Variants in TINF2 observed in about 807,000 individuals in gnomAD.
TINF2 encodes TERF1-interacting nuclear factor 2.
Under a neutral mutation model 50.4 loss-of-function variants are expected in TINF2, and 27 were observed. The ratio of observed to expected loss-of-function variants is 0.54; its 90% confidence interval spans 0.40 to 0.74. TINF2 has a LOEUF of 0.74. Among genes scored for constraint, TINF2 ranks in the 30% least tolerant of loss-of-function variants. The pLI is 0.00. For synonymous variants in TINF2, 223 were observed against 214.6 expected (o/e 1.04, Z -0.34); for missense variants, 496 against 551.5 (o/e 0.90, Z 1.01).
chr14:24,241,532 G>A (rs566687570), intron 3 of TINF2, 143 bp downstream of exon 3: 12 of 822,700 alleles, frequency 1.5e-5, no homozygotes, highest in African/African-American at 6.9e-5. Flanking sequence ...CAGGAGAATC[G>A]CTTGAACCCG....
rs1167492530 is a variant in TINF2, at chr14:24,240,518, C to G, written c.962G>C (p.Arg321Thr). ...IYTADLAMGT[R>T]AASTGKSKSP... ...CTTAGACTTCCCAGTGGAGGCTGCTCTTGTGCCCATGGCTAGGTCTGCTGT... is the reference window on the plus strand; with the variant it reads ...CTTAGACTTCCCAGTGGAGGCTGCTGTTGTGCCCATGGCTAGGTCTGCTGT... Residue 321 changes from arginine to threonine, a missense_variant, in exon 6 of 9, where the codon AGA becomes ACA. Transcript: ENST00000267415. 14 of 1,614,076 alleles carry G rather than the reference C, an allele frequency of 8.7e-6. No individual in the cohort carries two copies. Among genetic ancestry groups the G allele is most frequent in the Non-Finnish European group, 1.2e-5 (14 of 1,180,036 alleles).
Position 24,242,178 on chromosome 14 carries a change from C to T in TINF2, c.155G>A (p.Arg52Gln), listed in dbSNP as rs745540989. 2.5e-6 allele frequency: 4 copies of T among 1,614,262 alleles called. No homozygotes were observed. Among genetic ancestry groups the T allele is most frequent in the Non-Finnish European group, 3.4e-6 (4 of 1,180,040 alleles). ...RAVAPGLVRY[R>Q]HHERLCMGLK... ...GCCCATACAAAGGCGTTCGTGGTGC[C>T]GGTAGCGAACCAAGCCAGGGGCAAC... The change falls in exon 1 of 9, where the codon CGG becomes CAG. Residue 52 changes from arginine (R) to glutamine (Q), a missense_variant. By Grantham distance (43) the Arg-to-Gln change is conservative. Transcript: ENST00000267415.
In TINF2 at chr14:24,242,420, C is replaced by T. The variant is rs1325327438; in HGVS notation, c.-88G>A. Reference sequence around the variant, plus strand: ...CCGATCACTCCTAGGGGCGGGGCTTCTGGCAACTCCCTGTCGCTCCGGTCT... The same window carrying T: ...CCGATCACTCCTAGGGGCGGGGCTTTTGGCAACTCCCTGTCGCTCCGGTCT... On this transcript the variant is annotated 5_prime_UTR_variant, in exon 1 of 9. Transcript: ENST00000267415. The T allele has an allele frequency of 8.1e-6, 12 of 1,490,682 alleles. No individual in the cohort carries two copies. The highest frequency in any genetic ancestry group is 8.9e-6 in the Non-Finnish European group (10 of 1,127,170). 92.3% of individuals were successfully genotyped at this position (1,490,682 alleles called of 1,614,324 possible).
chr14:24,240,387 C>G, intron 6 of TINF2, 32 bp downstream of exon 6: 1 of 1,614,130 alleles, frequency 6.2e-7, no homozygotes, highest in African/African-American at 1.3e-5. Context: ...AAAGAATGTG[C>G]TCCTAGTAAG....
At position 24,240,287 on chromosome 14, in the gene TINF2, A is replaced by G; in HGVS notation, c.1105T>C (p.Leu369=). Reference sequence around the variant, plus strand: ...CCTGGCTTCCTGGCCCTAGGAGGTAATAATGATAGTCTCAGGGGGTCCATG... The same window carrying G: ...CCTGGCTTCCTGGCCCTAGGAGGTAGTAATGATAGTCTCAGGGGGTCCATG... ...CYMDPLRLSL[L]PPRARKPVCP... Residue 369 remains leucine, a synonymous_variant, in exon 7 of 9, where the codon TTA becomes CTA. Coordinates refer to ENST00000267415, the MANE Select transcript of TINF2 (RefSeq NM_001099274.3). 1.2e-6 allele frequency: 2 copies of G among 1,614,002 alleles called. No individual in the cohort carries two copies. Among genetic ancestry groups the G allele is most frequent in the Non-Finnish European group, 1.7e-6 (2 of 1,179,974 alleles).
rs775852920 is a variant in TINF2, at chr14:24,240,148, A to AG, written c.1136dup (p.Pro380SerfsTer18). 6.2e-7 allele frequency: 1 copy of AG among 1,614,090 alleles called. No homozygotes were observed. Among genetic ancestry groups the AG allele is most frequent in the Non-Finnish European group, 8.5e-7 (1 of 1,180,018 alleles). ...TAATGACGGAGCTGCACAGAGACGG[A>AG]GGACACACTGTAGGAGGGAAACCAG... On this transcript the variant is annotated frameshift_variant, in exon 8 of 9. Coordinates refer to ENST00000267415, the MANE Select transcript of TINF2 (RefSeq NM_001099274.3). LOFTEE classifies it high-confidence loss of function.
Position 24,239,822 on chromosome 14 carries a change from C to A in TINF2, c.1331G>T (p.Cys444Phe). ...TCACAAAGGTCTAGAACTGTCTCTA[C>A]AGTCACAGGAAGAAACAGGTATGGC... ...HGAIPVSSCD[C>F]RDSSRPL Residue 444 changes from cysteine (C) to phenylalanine (F), a missense_variant, in exon 9 of 9, where the codon TGT becomes TTT. Around this residue, in one of 3 missense-constraint regions of TINF2, gnomAD observed 179 missense variants for 188.3 expected, o/e 0.95. Coordinates refer to ENST00000267415, the MANE Select transcript of TINF2 (RefSeq NM_001099274.3). 1 of 1,614,174 alleles carries A rather than the reference C, an allele frequency of 6.2e-7. No homozygotes were observed. Among genetic ancestry groups the A allele is most frequent in the Non-Finnish European group, 8.5e-7 (1 of 1,180,028 alleles).
At position 24,240,248 on chromosome 14, in the gene TINF2, A is replaced by T. The variant is rs200599508; in HGVS notation, c.1129+15T>A. Reference sequence around the variant, plus strand: ...AGAGGAGGCTGTTGATCCAATCCTGACTCAGACTACCTACCTGGCTTCCTG... The same window carrying T: ...AGAGGAGGCTGTTGATCCAATCCTGTCTCAGACTACCTACCTGGCTTCCTG... On this transcript the variant is annotated intron_variant, in intron 7 of 8. Coordinates refer to ENST00000267415, the MANE Select transcript of TINF2 (RefSeq NM_001099274.3). 546 of 1,613,980 alleles carry T rather than the reference A, an allele frequency of 3.4e-4. 1 individual carries two copies. In the African/African-American group the frequency reaches 6.2e-3, roughly 18 times the overall value.
In TINF2 at chr14:24,240,809, C is replaced by G; in HGVS notation, c.671G>C (p.Arg224Thr). Reference protein sequence around the residue: ...PMEQNPPQQQRLALHNPLPKA... With the variant: ...PMEQNPPQQQTLALHNPLPKA... ...TGGCAGGGGATTGTGGAGTGCTAGT[C>G]TTTGTTGCTGAGGAGGATTCTGTTC... The change falls in exon 6 of 9, where the codon AGA (arginine) becomes ACA (threonine). Residue 224 changes from arginine to threonine, a missense_variant. Transcript: ENST00000267415. The G allele has an allele frequency of 6.2e-7, 1 of 1,613,970 alleles. No homozygotes were observed. Among genetic ancestry groups the G allele is most frequent in the Non-Finnish European group, 8.5e-7 (1 of 1,180,012 alleles).
In TINF2 at chr14:24,240,289, A is replaced by G; in HGVS notation, c.1103T>C (p.Leu368Ser). 3.1e-6 allele frequency: 5 copies of G among 1,613,998 alleles called. No individual in the cohort carries two copies. Among genetic ancestry groups the G allele is most frequent in the Non-Finnish European group, 4.2e-6 (5 of 1,179,984 alleles). The change falls in exon 7 of 9, where the codon TTA becomes TCA. Residue 368 changes from leucine (L) to serine (S), a missense_variant. Transcript: ENST00000267415. ...TGGCTTCCTGGCCCTAGGAGGTAAT[A>G]ATGATAGTCTCAGGGGGTCCATGTA... ...DCYMDPLRLS[L>S]LPPRARKPVC... is the part of the protein sequence containing the mutation.
chr14:24,242,255 G>C lies in TINF2; in HGVS notation c.78C>G (p.Arg26=). The C allele has an allele frequency of 4.3e-6, 7 of 1,614,190 alleles. No individual in the cohort carries two copies. Among genetic ancestry groups the C allele is most frequent in the Non-Finnish European group, 5.9e-6 (7 of 1,180,028 alleles). The stretch of plus-strand genomic sequence containing the variant: ...GTACTCGCGGAAAATGTTCCACGCA[G>C]CGTCCGCGCACAACCTGCCAGCTAG... The part of the protein sequence containing the change: ...AAASWQVVRG[R]CVEHFPRVLE... Residue 26 remains arginine, a synonymous_variant, in exon 1 of 9, where the codon CGC becomes CGG. Transcript: ENST00000267415.
At position 24,240,145 on chromosome 14, in the gene TINF2, C is replaced by T. The variant is rs10141326; in HGVS notation, c.1140G>A (p.Pro380=). The T allele has an allele frequency of 0.011, 18,046 of 1,613,890 alleles. 1,643 individuals are homozygous for T. The African/African-American group carries it at 0.2, about 18-fold the overall frequency. Reference sequence around the variant, plus strand: ...TGGTAATGACGGAGCTGCACAGAGACGGAGGACACACTGTAGGAGGGAAAC... The same window carrying T: ...TGGTAATGACGGAGCTGCACAGAGATGGAGGACACACTGTAGGAGGGAAAC... ...PPRARKPVCP[P]SLCSSVITIG... The change falls in exon 8 of 9, where the codon CCG becomes CCA. Residue 380 remains proline (P), a synonymous_variant. Coordinates refer to ENST00000267415, the MANE Select transcript of TINF2 (RefSeq NM_001099274.3).
At chr14:24,239,973 T>C in intron 8 of TINF2, 42 bp from the exon 9 acceptor site, 1 of 1,614,198 alleles carries the variant, frequency 6.2e-7, no homozygotes, top group Non-Finnish European at 8.5e-7. Flanking sequence ...TCCGAAACCA[T>C]TCCCTGAACC....
chr14:24,240,435 C>T lies in TINF2; in HGVS notation c.1045G>A (p.Ala349Thr). ...TCCACTCACTCCTTTTGCTCTGTGG[C>T]AGGCAAGTCAACTGGGTTCTCCTTC... is the stretch of plus-strand genomic sequence containing the variant. ...ALKENPVDLPATEQKENCLDC... is the reference protein window; with the variant it reads ...ALKENPVDLPTTEQKENCLDC... Residue 349 changes from alanine to threonine, a missense_variant, in exon 6 of 9, where the codon GCC becomes ACC. By Grantham distance (58) the Ala-to-Thr change is moderately conservative. This residue lies in a region of TINF2 where 179 missense variants were observed against 188.3 expected (regional missense o/e 0.95). Transcript: ENST00000267415. The T allele has an allele frequency of 6.2e-7, 1 of 1,614,198 alleles. No homozygotes were observed. The highest frequency in any genetic ancestry group is 8.5e-7 in the Non-Finnish European group (1 of 1,180,042).
At chr14:24,242,647 C>A, upstream of TINF2, 1 of 1,202,612 alleles carries the variant, frequency 8.3e-7, no homozygotes, top group Admixed American at 4.3e-5. Context: ...CTACTAGCTT[C>A]CCTTGCCCCG....
chr14:24,240,914 T>C (rs767201695), intron 5 of TINF2, 39 bp from the exon 6 acceptor site: 2 of 1,614,064 alleles, frequency 1.2e-6, no homozygotes, highest in Admixed American at 1.7e-5. Context: ...AGAGAACAGA[T>C]AGTAACAGAA....
At position 24,242,600 on chromosome 14, in the gene TINF2, C is replaced by G. The variant is rs1233254952; in HGVS notation, c.-268G>C. ...GGTCGCTCAGCTTTAAACGTCGCCGCTGTCTCGAGCCCGAGGGTGCCTCAC... is the reference window on the plus strand; with the variant it reads ...GGTCGCTCAGCTTTAAACGTCGCCGGTGTCTCGAGCCCGAGGGTGCCTCAC... On this transcript the variant is annotated 5_prime_UTR_variant, in exon 1 of 9. Coordinates refer to ENST00000267415, the MANE Select transcript of TINF2 (RefSeq NM_001099274.3). 1 of 1,314,356 alleles carries G rather than the reference C, an allele frequency of 7.6e-7. No individual in the cohort carries two copies. Among genetic ancestry groups the G allele is most frequent in the Non-Finnish European group, 9.7e-7 (1 of 1,030,770 alleles). The allele number at this position is 1,314,356 out of a possible 1,614,324, so 81.4% of individuals were successfully genotyped here. A position where few individuals can be genotyped will look rare whatever the true frequency, so the allele number is the denominator to read the frequency against.
Position 24,240,586 on chromosome 14 carries a change from C to G in TINF2, c.894G>C (p.Gln298His). 6.2e-7 allele frequency: 1 copy of G among 1,614,106 alleles called. No homozygotes were observed. The highest frequency in any genetic ancestry group is 8.5e-7 in the Non-Finnish European group (1 of 1,180,022). The change falls in exon 6 of 9, where the codon CAG (glutamine) becomes CAC (histidine). Residue 298 changes from glutamine to histidine, a missense_variant. By Grantham distance (24) the Gln-to-His change is conservative. Transcript: ENST00000267415. Reference sequence around the variant, plus strand: ...CCTTGCTCTCAGGCTTAGATATGACCTGGGTTGGTGAGCCGAGATTCCTAA... The same window carrying G: ...CCTTGCTCTCAGGCTTAGATATGACGTGGGTTGGTGAGCCGAGATTCCTAA... ...FPFRNLGSPTQVISKPESKEE... is the reference protein window; with the variant it reads ...FPFRNLGSPTHVISKPESKEE...
chr14:24,239,764 G>T lies in TINF2; in HGVS notation c.*33C>A. Reference sequence around the variant, plus strand: ...AACTACTTGCAGAGCTGAGGAGGCAGGAGACTAGAGTACAGAGAGCATTTT... The same window carrying T: ...AACTACTTGCAGAGCTGAGGAGGCATGAGACTAGAGTACAGAGAGCATTTT... On this transcript the variant is annotated 3_prime_UTR_variant, in exon 9 of 9. Transcript: ENST00000267415. 6.2e-7 allele frequency: 1 copy of T among 1,614,158 alleles called. No homozygotes were observed. Among genetic ancestry groups the T allele is most frequent in the South Asian group, 1.1e-5 (1 of 91,084 alleles).
Sources: gnomAD v4.1 joint callset for allele counts on GRCh38, gnomAD v4.1.1 for gene constraint, gnomAD v4.1.1 regional missense constraint, MANE v1.5 for transcripts, NCBI Gene and HGNC (gene_info 2026-07-23, HGNC 2026-07-21) for gene names.